GRID2: variants seen among roughly 807,000 people sequenced by gnomAD.
The protein encoded by GRID2 is glutamate ionotropic receptor delta type subunit 2.
In GRID2, 33 loss-of-function variants were observed where a neutral mutation model predicts 114.8. The ratio of observed to expected loss-of-function variants is 0.29; its 90% confidence interval spans 0.22 to 0.38. The LOEUF is 0.38. Ranked by LOEUF, GRID2 falls within the 10% of genes least tolerant of loss-of-function variation. GRID2 has a pLI of 1.00. For synonymous variants in GRID2, 505 were observed against 449.9 expected (o/e 1.12, Z -1.55); for missense variants, 1,184 against 1,257.7 (o/e 0.94, Z 0.89).
intron 1 of GRID2, among the ~76,000 whole-genome samples, chr4:92,385,539 G>A (rs919879864): frequency 1.3e-5 from 2 of 151,224 alleles, no homozygotes; most frequent in Admixed American, 6.6e-5. Flanking sequence ...ATGTCAAGAT[G>A]TGCTATCTTT....
chr4:92,532,346 T>C (rs1289487945), intron 1 of GRID2, among the ~76,000 whole-genome samples: 3 of 152,170 alleles, frequency 2.0e-5, no homozygotes, highest in African/African-American at 4.8e-5. Flanking sequence ...GTTTGAAATA[T>C]ACTGAGCTGT....
At chr4:93,573,659 C>A (rs985581478) in intron 13 of GRID2, among the ~76,000 whole-genome samples, 6 of 152,060 alleles carry the variant, frequency 3.9e-5, no homozygotes, top group African/African-American at 1.4e-4. Flanking sequence ...ATATCCAGAT[C>A]CCCCTTTACA....
intron 14 of GRID2, among the ~76,000 whole-genome samples, chr4:93,712,468 ATG>A (rs1728568006): frequency 6.6e-6 from 1 of 152,148 alleles, no homozygotes; most frequent in African/African-American, 2.4e-5. Flanking sequence ...CCACTTTTAT[ATG>A]TGCTATAATG....
At chr4:93,501,841 T>C (rs947192189) in intron 12 of GRID2, among the ~76,000 whole-genome samples, 2 of 152,048 alleles carry the variant, frequency 1.3e-5, no homozygotes, top group Admixed American at 1.3e-4. Context: ...TCTAGACAAA[T>C]CAAATCCTTC....
intron 8 of GRID2, among the ~76,000 whole-genome samples, chr4:93,351,183 C>T (rs1760763714): frequency 6.6e-6 from 1 of 152,064 alleles, no homozygotes; most frequent in Non-Finnish European, 1.5e-5. Context: ...GTATCAATCA[C>T]ATTTTTAAAA....
chr4:92,533,146 G>A lies in GRID2; in HGVS notation c.89-56985G>A, dbSNP rs534991147. On this transcript the variant is annotated intron_variant, in intron 1 of 15. Coordinates refer to ENST00000282020, the MANE Select transcript of GRID2 (RefSeq NM_001510.4). Reference sequence around the variant, plus strand: ...AAATAAATATTCATTGTCATGCCTGGCCCTAGAAGTATGCAACTAACTGCA... The same window carrying A: ...AAATAAATATTCATTGTCATGCCTGACCCTAGAAGTATGCAACTAACTGCA... Among the ~76,000 whole-genome samples, 4 of 151,096 alleles carry A rather than the reference G, an allele frequency of 2.6e-5. No homozygotes were observed. The South Asian group carries it at 8.4e-4, about 32-fold the overall frequency.
At chr4:93,132,716 G>A (rs1358634044) in intron 4 of GRID2, among the ~76,000 whole-genome samples, 1 of 152,124 alleles carries the variant, frequency 6.6e-6, no homozygotes, top group South Asian at 2.1e-4. Flanking sequence ...TACCGGGAAG[G>A]CATCTCTTGA....
intron 2 of GRID2, among the ~76,000 whole-genome samples, chr4:92,860,286 G>A (rs961130822): frequency 2.6e-5 from 4 of 152,000 alleles, no homozygotes; most frequent in East Asian, 1.9e-4. Context: ...GGCCAGCACC[G>A]GTCAGCTTTC....
At chr4:93,475,202 T>C (rs1725208346) in intron 11 of GRID2, among the ~76,000 whole-genome samples, 1 of 152,156 alleles carries the variant, frequency 6.6e-6, no homozygotes, top group South Asian at 2.1e-4. Flanking sequence ...AAAATTATTT[T>C]AACCATTTTT....
intron 10 of GRID2, among the ~76,000 whole-genome samples, chr4:93,441,539 A>G (rs928469872): frequency 6.6e-6 from 1 of 152,026 alleles, no homozygotes; most frequent in African/African-American, 2.4e-5. Context: ...TAATTTTAAT[A>G]TTAAAGAGAA....
At chr4:93,208,190 A>C (rs1421970051) in intron 5 of GRID2, among the ~76,000 whole-genome samples, 3 of 151,962 alleles carry the variant, frequency 2.0e-5, no homozygotes, top group Non-Finnish European at 4.4e-5. Flanking sequence ...CTTATTCATT[A>C]TACTAAATAC....
chr4:93,475,533 T>C lies in GRID2; in HGVS notation c.1859-15106T>C, dbSNP rs144061215. Among the ~76,000 whole-genome samples, 882 of 152,272 alleles carry C rather than the reference T, an allele frequency of 5.8e-3. 7 individuals are homozygous for C. The highest frequency in any genetic ancestry group is 9.3e-3 in the Non-Finnish European group (633 of 68,022). On this transcript the variant is annotated intron_variant, in intron 11 of 15. Coordinates refer to ENST00000282020, the MANE Select transcript of GRID2 (RefSeq NM_001510.4). Reference sequence around the variant, plus strand: ...ATTTTGGAGGCTTAAAAATGTATTTTAGACTTACTTTTGGCTCTTTTATCA... The same window carrying C: ...ATTTTGGAGGCTTAAAAATGTATTTCAGACTTACTTTTGGCTCTTTTATCA...
chr4:92,749,546 C>G (rs1737337220), intron 2 of GRID2, among the ~76,000 whole-genome samples: 2 of 152,210 alleles, frequency 1.3e-5, no homozygotes, highest in South Asian at 4.1e-4. Context: ...ATCTCTTGAC[C>G]TCGTGATCCG....
At chr4:92,691,546 T>C (rs977762796) in intron 2 of GRID2, among the ~76,000 whole-genome samples, 4 of 152,206 alleles carry the variant, frequency 2.6e-5, no homozygotes, top group African/African-American at 9.6e-5. Context: ...TTGTGCGGTA[T>C]CCAGTAATCA....
chr4:93,224,072 A>G (rs1397775547), intron 6 of GRID2, among the ~76,000 whole-genome samples: 3 of 152,172 alleles, frequency 2.0e-5, no homozygotes, highest in Admixed American at 1.3e-4. Context: ...ACTATAATAC[A>G]TATAAAAGAT....
downstream of GRID2, among the ~76,000 whole-genome samples, chr4:93,776,804 T>G (rs1734378945): frequency 1.3e-5 from 2 of 152,146 alleles, no homozygotes; most frequent in Non-Finnish European, 2.9e-5. Flanking sequence ...AAAATTACTA[T>G]CTAACCCTTC....
At chr4:93,655,372 A>G (rs1053576233) in intron 14 of GRID2, among the ~76,000 whole-genome samples, 33 of 152,240 alleles carry the variant, frequency 2.2e-4, no homozygotes, top group South Asian at 8.3e-4. Flanking sequence ...GCTTCACTTC[A>G]TATGTTTCTC....
At chr4:93,179,367 A>C (rs568037030) in intron 4 of GRID2, among the ~76,000 whole-genome samples, 17 of 152,316 alleles carry the variant, frequency 1.1e-4, no homozygotes, top group African/African-American at 3.6e-4. Context: ...GTAATACAGA[A>C]GGTTAAAAAT....
At chr4:93,171,135 G>A (rs997733303) in intron 4 of GRID2, among the ~76,000 whole-genome samples, 2 of 152,126 alleles carry the variant, frequency 1.3e-5, no homozygotes, top group African/African-American at 4.8e-5. Flanking sequence ...GCTTTGCAAT[G>A]ATCTACATGG....
Sources: allele counts gnomAD v4.1 joint callset (sites outside exome capture counted in the v4.1 genomes callset), GRCh38; gene constraint gnomAD v4.1.1; transcripts MANE v1.5; gene names NCBI Gene and HGNC (gene_info 2026-07-23, HGNC 2026-07-21).